HELZ: variants seen among roughly 807,000 people sequenced by gnomAD.
HELZ encodes helicase with zinc finger.
A neutral mutation model predicts 218.2 loss-of-function variants in HELZ; 23 were observed. The ratio of observed to expected loss-of-function variants is 0.11; its 90% confidence interval spans 0.08 to 0.15. The LOEUF (loss-of-function observed/expected upper bound fraction) is 0.15. Among genes scored for constraint, HELZ ranks in the 10% least tolerant of loss-of-function variants. The pLI, the probability that HELZ is intolerant of heterozygous loss-of-function variation, is 1.00. For synonymous variants in HELZ, 814 were observed against 829.4 expected (o/e 0.98, Z 0.32); for missense variants, 1,813 against 2,353.7 (o/e 0.77, Z 4.75).
chr17:67,214,056 G>A (rs965048721), intron 5 of HELZ, among the ~76,000 whole-genome samples: 9 of 151,966 alleles, frequency 5.9e-5, no homozygotes, highest in African/African-American at 2.2e-4. Flanking sequence ...GATGGGGGAA[G>A]GATAAATTTT....
chr17:67,117,876 A>G (rs72838403), intron 27 of HELZ, among the ~76,000 whole-genome samples: 29,079 of 152,064 alleles, frequency 0.19, 2,876 homozygotes, highest in African/African-American at 0.24. Flanking sequence ...ATGCTGAAAA[A>G]AAAATAAAGA....
At chr17:67,159,992 A>G (rs187274714) in intron 17 of HELZ, among the ~76,000 whole-genome samples, 535 of 152,278 alleles carry the variant, frequency 3.5e-3, no homozygotes, top group Non-Finnish European at 6.3e-3. Flanking sequence ...ACTAGCTTTT[A>G]GAGGTACATA....
intron 32 of HELZ, among the ~76,000 whole-genome samples, chr17:67,083,765 A>G (rs2036269774): frequency 6.6e-6 from 1 of 152,226 alleles, no homozygotes; most frequent in South Asian, 2.1e-4. Context: ...CCTGTGTTGG[A>G]GGAGGGATTC....
chr17:67,175,566 C>A (rs912398676), intron 13 of HELZ, among the ~76,000 whole-genome samples: 1 of 152,190 alleles, frequency 6.6e-6, no homozygotes, highest in Non-Finnish European at 1.5e-5. Context: ...TGTTTACTTG[C>A]TTATAGATGC....
rs375243960 is a variant in HELZ at position 67,195,450 on chromosome 17, G to C, written c.450C>G (p.Leu150=). 6.2e-7 allele frequency: 1 copy of C among 1,606,636 alleles called. No homozygotes were observed. The highest frequency in any genetic ancestry group is 1.3e-5 in the African/African-American group (1 of 74,786). Residue 150 remains leucine, a synonymous_variant, in exon 8 of 33, where the codon CTC becomes CTG. Coordinates refer to ENST00000358691, the MANE Select transcript of HELZ (RefSeq NM_014877.4). ...CTAAGTCTTCCACGTGATATCCAGA[G>C]AGGGCGTTACTAGTTGCTGTCTGCA... is the stretch of plus-strand genomic sequence containing the variant. ...SETETATSNA[L]SGYHVEDLDE... is the part of the protein sequence containing the mutation.
At chr17:67,094,333 A>AGAGAGAGAGAGAGAGAGAGAGAG in intron 31 of HELZ, among the ~76,000 whole-genome samples, 1 of 146,632 alleles carries the variant, frequency 6.8e-6, no homozygotes, top group African/African-American at 2.6e-5. Flanking sequence ...AAAAAAAAAA[A>AGAGAGAGAGAGAGAGAGAGAGAG]AGAGAGAGAG....
At position 67,109,351 on chromosome 17, in the gene HELZ, C is replaced by T. The variant is rs1163737909; in HGVS notation, c.4254G>A (p.Gln1418=). The T allele has an allele frequency of 3.7e-6, 6 of 1,614,014 alleles. No individual in the cohort carries two copies. The highest frequency in any genetic ancestry group is 5.1e-6 in the Non-Finnish European group (6 of 1,180,038). Residue 1418 remains glutamine (Q), a synonymous_variant, in exon 29 of 33, where the codon CAG becomes CAA. Transcript: ENST00000358691. ...LNQQPQQPPP[Q]LSPAYQAGPN... is the part of the protein sequence containing the mutation. The stretch of plus-strand genomic sequence containing the variant: ...GTCCCGCCTGATATGCAGGAGAAAG[C>T]TGAGGAGGTGGCTGCTGAGGCTGCT...
chr17:67,148,514 C>T, intron 20 of HELZ, 55 bp downstream of exon 20: 1 of 1,514,446 alleles, frequency 6.6e-7, no homozygotes, highest in Non-Finnish European at 9.0e-7. Context: ...TTTTGAGTTC[C>T]CTCCTACTAT....
chr17:67,136,653 T>G (rs763960127), intron 22 of HELZ, among the ~76,000 whole-genome samples: 60 of 152,312 alleles, frequency 3.9e-4, no homozygotes, highest in Non-Finnish European at 8.7e-4. Context: ...ACAACATGGA[T>G]GAACCTTGAA....
chr17:67,153,885 C>A (rs748139563), intron 17 of HELZ, among the ~76,000 whole-genome samples: 2 of 152,168 alleles, frequency 1.3e-5, no homozygotes, highest in Non-Finnish European at 2.9e-5. Context: ...TCATATGGAA[C>A]AAAAGGATAA....
intron 9 of HELZ, 143 bp downstream of exon 9, chr17:67,193,824 T>G: frequency 3.1e-6 from 2 of 637,942 alleles, no homozygotes; most frequent in Non-Finnish European, 2.7e-6. Flanking sequence ...AATATGGTTT[T>G]GACTTTTATT....
At chr17:67,245,737 G>A (rs1479583950), upstream of HELZ, 1 of 152,826 alleles carries the variant, frequency 6.5e-6, no homozygotes, top group African/African-American at 2.4e-5. Context: ...CGGGAACTGG[G>A]AGGACGCCGT....
At chr17:67,234,885 T>C (rs2041136718) in intron 3 of HELZ, among the ~76,000 whole-genome samples, 1 of 152,016 alleles carries the variant, frequency 6.6e-6, no homozygotes, top group Non-Finnish European at 1.5e-5. Flanking sequence ...GGCTTCCTGG[T>C]GGTGTGATTT....
chr17:67,145,941 A>G, intron 20 of HELZ, 51 bp from the exon 21 acceptor site: 2 of 1,522,552 alleles, frequency 1.3e-6, no homozygotes, highest in Non-Finnish European at 1.8e-6. Context: ...ATCAAAATTA[A>G]TTTCACCCAT....
chr17:67,211,891 A>G (rs1338540507), intron 5 of HELZ, among the ~76,000 whole-genome samples: 2 of 152,004 alleles, frequency 1.3e-5, no homozygotes, highest in Non-Finnish European at 2.9e-5. Flanking sequence ...GGAAGGGGGA[A>G]GGTAAGGGAA....
At chr17:67,197,925 C>T (rs1204264839) in intron 7 of HELZ, among the ~76,000 whole-genome samples, 1 of 151,780 alleles carries the variant, frequency 6.6e-6, no homozygotes, top group Non-Finnish European at 1.5e-5. Flanking sequence ...CACAGATTAA[C>T]AAATCAGGAG....
At chr17:67,083,896 T>C (rs1248699804) in intron 32 of HELZ, among the ~76,000 whole-genome samples, 1 of 152,182 alleles carries the variant, frequency 6.6e-6, no homozygotes, top group Non-Finnish European at 1.5e-5. Flanking sequence ...AAACGGGAAA[T>C]TCAAAGTTTA....
In HELZ at chr17:67,109,636, A is replaced by T; in HGVS notation, c.3969T>A (p.Ser1323Arg). 6.2e-7 allele frequency: 1 copy of T among 1,614,126 alleles called. No homozygotes were observed. The highest frequency in any genetic ancestry group is 8.5e-7 in the Non-Finnish European group (1 of 1,180,014). The change falls in exon 29 of 33, where the codon AGT (serine) becomes AGA (arginine). Residue 1323 changes from serine (S) to arginine (R), a missense_variant. By Grantham distance (110) the Ser-to-Arg change is moderately radical. Coordinates refer to ENST00000358691, the MANE Select transcript of HELZ (RefSeq NM_014877.4). ...GAAATTTGGTACTGGGATAAACAAC[A>T]CTAGGACGTGATTCAGGACTTCTGT... ...PQNRSPESRP[S>R]VVYPSTKFPR... is the part of the protein sequence containing the mutation.
intron 20 of HELZ, 114 bp downstream of exon 20, chr17:67,148,455 G>A: frequency 7.7e-6 from 6 of 780,802 alleles, no homozygotes; most frequent in Non-Finnish European, 1.0e-5. Flanking sequence ...CAAGACTAGG[G>A]ACACTATGTA....
Sources: gnomAD v4.1 joint callset for allele counts (sites outside exome capture counted in the v4.1 genomes callset) on GRCh38, gnomAD v4.1.1 for gene constraint, MANE v1.5 for transcripts, NCBI Gene and HGNC (gene_info 2026-07-23, HGNC 2026-07-21) for gene names.